The following CDH18 variants were observed in gnomAD, a reference collection of about 807,000 sequenced individuals.
The protein encoded by CDH18 is cadherin 18.
Under a neutral mutation model 67.9 loss-of-function variants are expected in CDH18, and 31 were observed. That is an observed-to-expected ratio of 0.46 (90% CI 0.34 to 0.62). CDH18 has a LOEUF of 0.62. CDH18 is among the 20% of genes least tolerant of loss of function. The pLI is 0.01. For missense variants in CDH18, 890 were observed against 975.5 expected, an observed-to-expected ratio of 0.91 and a Z score of 1.17; for synonymous variants, 362 against 347.2, an observed-to-expected ratio of 1.04 and a Z score of -0.48.
chr5:19,661,704 T>C (rs1757203305), intron 5 of CDH18, among the ~76,000 whole-genome samples: 1 of 152,048 alleles, frequency 6.6e-6, no homozygotes, highest in Admixed American at 6.6e-5. Context: ...AAGGATCTTA[T>C]CAAAGTTAAT....
intron 1 of CDH18, among the ~76,000 whole-genome samples, chr5:20,443,066 C>T (rs1012532788): frequency 6.7e-6 from 1 of 149,776 alleles, no homozygotes; most frequent in Non-Finnish European, 1.5e-5. Flanking sequence ...AAAAATTAGC[C>T]GGGCGTAGTG....
At chr5:20,107,025 T>G (rs1235410652) in intron 2 of CDH18, among the ~76,000 whole-genome samples, 1 of 152,200 alleles carries the variant, frequency 6.6e-6, no homozygotes, top group Non-Finnish European at 1.5e-5. Context: ...CTTTGTTTTT[T>G]ACACTGTGAT....
At chr5:19,537,368 CCTCTCTCTTTCT>C (rs1018572762) in intron 9 of CDH18, among the ~76,000 whole-genome samples, 7 of 151,352 alleles carry the variant, frequency 4.6e-5, no homozygotes, top group Non-Finnish European at 7.4e-5. Flanking sequence ...ACCTGTTCCC[CCTCTCTCTTTCT>C]CTCTCTCTTT....
intron 5 of CDH18, among the ~76,000 whole-genome samples, chr5:19,657,790 A>T (rs1300293645): frequency 6.6e-6 from 1 of 152,142 alleles, no homozygotes; most frequent in Non-Finnish European, 1.5e-5. Context: ...TCACTCTAGG[A>T]AGCACATGTT....
At chr5:20,121,484 T>C (rs1353234097) in intron 2 of CDH18, among the ~76,000 whole-genome samples, 1 of 152,138 alleles carries the variant, frequency 6.6e-6, no homozygotes, top group East Asian at 1.9e-4. Context: ...GTACAGTAGA[T>C]ATTTACCACT....
chr5:20,279,980 G>A (rs1407740056), intron 1 of CDH18, among the ~76,000 whole-genome samples: 1 of 151,662 alleles, frequency 6.6e-6, no homozygotes, highest in Non-Finnish European at 1.5e-5. Context: ...CACAAAACAA[G>A]TCTTAAAAAA....
chr5:20,330,320 G>A (rs1228836995), intron 1 of CDH18, among the ~76,000 whole-genome samples: 1 of 152,104 alleles, frequency 6.6e-6, no homozygotes, highest in Non-Finnish European at 1.5e-5. Context: ...TAGGTAGCTA[G>A]TTAGACATGA....
chr5:20,145,177 T>G (rs1750545505), intron 2 of CDH18, among the ~76,000 whole-genome samples: 1 of 152,048 alleles, frequency 6.6e-6, no homozygotes, highest in Non-Finnish European at 1.5e-5. Flanking sequence ...ATACTAAAAT[T>G]TATACATAAA....
At position 20,003,477 on chromosome 5, in the gene CDH18, T is replaced by C. The variant is rs551161999; in HGVS notation, c.-517-11463A>G. 3.0e-3 allele frequency among the ~76,000 whole-genome samples: 455 copies of C among 152,316 alleles called. 3 individuals carry two copies. The highest frequency in any genetic ancestry group is 0.01 in the African/African-American group (426 of 41,586). ...ATGTCTCTTCCTAGTAATTGTACTA[T>C]ATTTCCCATCTTTTTAAAAAAAATG... On this transcript the variant is annotated intron_variant, in intron 2 of 14. Coordinates refer to the CDH18 transcript ENST00000507958.
At chr5:19,634,560 A>G (rs1293824400) in intron 5 of CDH18, among the ~76,000 whole-genome samples, 2 of 152,192 alleles carry the variant, frequency 1.3e-5, no homozygotes, top group African/African-American at 4.8e-5. Context: ...AAAAGTTAGC[A>G]TTTTTCTTAT....
At chr5:19,578,992 C>T (rs917260384) in intron 7 of CDH18, among the ~76,000 whole-genome samples, 23 of 151,830 alleles carry the variant, frequency 1.5e-4, no homozygotes, top group Admixed American at 5.9e-4. Flanking sequence ...AAGACTAATA[C>T]GTAATATTTA....
intron 5 of CDH18, among the ~76,000 whole-genome samples, chr5:19,631,188 C>A (rs1453599072): frequency 6.6e-6 from 1 of 151,826 alleles, no homozygotes; most frequent in Non-Finnish European, 1.5e-5. Flanking sequence ...AGAGAGAGCA[C>A]CACATTTGAG....
At chr5:20,405,550 C>G (rs772888625) in intron 1 of CDH18, among the ~76,000 whole-genome samples, 10 of 152,100 alleles carry the variant, frequency 6.6e-5, no homozygotes, top group Non-Finnish European at 1.2e-4. Flanking sequence ...GTCTAAAACA[C>G]CAAAAGCAAT....
chr5:20,375,156 T>A (rs1284608706), intron 1 of CDH18, among the ~76,000 whole-genome samples: 1 of 152,192 alleles, frequency 6.6e-6, no homozygotes, highest in Non-Finnish European at 1.5e-5. Context: ...CTCTTAGCTT[T>A]TCTAAATTTC....
intron 9 of CDH18, among the ~76,000 whole-genome samples, chr5:19,526,592 A>T (rs1400495303): frequency 1.3e-5 from 2 of 151,980 alleles, no homozygotes; most frequent in Admixed American, 6.6e-5. Context: ...ATAAATACTA[A>T]TTTTTTCTTA....
chr5:19,765,388 C>A (rs1772936365), intron 3 of CDH18, among the ~76,000 whole-genome samples: 1 of 61,182 alleles, frequency 1.6e-5, no homozygotes. Context: ...AGTCCTGTTT[C>A]TTTTTTTATT....
intron 6 of CDH18, among the ~76,000 whole-genome samples, chr5:19,600,696 A>C (rs574539955): frequency 6.6e-6 from 1 of 152,044 alleles, no homozygotes; most frequent in Non-Finnish European, 1.5e-5. Flanking sequence ...ATGGGGAGAA[A>C]TTTTTTCCTT....
In CDH18 at chr5:20,399,001, C is replaced by A. The variant is rs546651375; in HGVS notation, c.-579-143496G>T. On this transcript the variant is annotated intron_variant, in intron 1 of 14. Transcript: ENST00000507958. ...GAAAACCACCATGGCACATGTATAC[C>A]CATGTAACAAACCTGCACGTTCAGC... Among the ~76,000 whole-genome samples the A allele has an allele frequency of 5.3e-5, 8 of 152,102 alleles. No homozygotes were observed. The South Asian group carries it at 1.2e-3, about 24-fold the overall frequency.
chr5:19,479,540 T>C (rs1739045009), intron 12 of CDH18, among the ~76,000 whole-genome samples: 2 of 152,302 alleles, frequency 1.3e-5, no homozygotes, highest in East Asian at 3.9e-4. Flanking sequence ...ATTGTAGTTA[T>C]ATATTTTCAC....
Sources: allele counts gnomAD v4.1 joint callset (sites outside exome capture counted in the v4.1 genomes callset), GRCh38; gene constraint gnomAD v4.1.1; transcripts MANE v1.5; gene names NCBI Gene and HGNC (gene_info 2026-07-23, HGNC 2026-07-21).